The following ANKHD1 variants were observed in gnomAD, a reference collection of about 807,000 sequenced individuals.
The protein encoded by ANKHD1 is ankyrin repeat and KH domain-containing protein 1.
Under a neutral mutation model 230.5 loss-of-function variants are expected in ANKHD1, and 31 were observed. The ratio of observed to expected loss-of-function variants is 0.13; its 90% CI spans 0.10 to 0.18. ANKHD1 has a LOEUF of 0.18. Among genes scored for constraint, ANKHD1 ranks in the 10% least tolerant of loss-of-function variants. ANKHD1 has a pLI of 1.00. For synonymous variants in ANKHD1, 1,074 were observed against 1,117.6 expected (o/e 0.96, Z 0.78); for missense variants, 2,256 against 3,071.3 (o/e 0.73, Z 6.27).
intron 20 of ANKHD1, among the ~76,000 whole-genome samples, chr5:140,508,881 T>G (rs1752647050): frequency 1.3e-5 from 2 of 152,000 alleles, no homozygotes. Flanking sequence ...TGAATTTCTT[T>G]GCTTAGAACT....
At chr5:140,432,729 G>A (rs1193069646) in intron 1 of ANKHD1, among the ~76,000 whole-genome samples, 1 of 151,470 alleles carries the variant, frequency 6.6e-6, no homozygotes, top group Non-Finnish European at 1.5e-5. Context: ...TTTTTTAAGA[G>A]ACAGTGTCTT....
chr5:140,486,147 C>T (rs1751491381), intron 13 of ANKHD1: 1 of 184,608 alleles, frequency 5.4e-6, no homozygotes, highest in Non-Finnish European at 1.1e-5. Context: ...TCACCGCAAC[C>T]TCCGCCTCCC....
At position 140,458,645 on chromosome 5, in the gene ANKHD1, A is replaced by G. The variant is rs376959794; in HGVS notation, c.1263A>G (p.Ala421=). ...EACMDGHVEV[A]RLLLDSGAQV... is the part of the protein sequence containing the mutation. ...TGCAGGATGGACATGTAGAGGTGGC[A>G]CGTTTGCTTTTGGATAGTGGTGCTC... Residue 421 remains alanine, a synonymous_variant, in exon 8 of 34, where the codon GCA becomes GCG. Coordinates refer to ENST00000360839, the MANE Select transcript of ANKHD1 (RefSeq NM_017747.3). 4 of 1,592,744 alleles carry G rather than the reference A, an allele frequency of 2.5e-6. No homozygotes were observed. The African/African-American group carries it at 5.4e-5, about 21-fold the overall frequency.
chr5:140,412,411 G>A (rs1771011670), intron 1 of ANKHD1, among the ~76,000 whole-genome samples: 1 of 152,146 alleles, frequency 6.6e-6, no homozygotes, highest in South Asian at 2.1e-4. Context: ...TCCTGCAGTG[G>A]CCTCCCAGAG....
rs150319479 is a variant in ANKHD1, at chr5:140,477,755, G to A, written c.1783-4825G>A. Among the ~76,000 whole-genome samples, 78 of 152,292 alleles carry A rather than the reference G, an allele frequency of 5.1e-4. No homozygotes were observed. In the East Asian group the frequency reaches 0.014, roughly 27 times the overall value. The stretch of plus-strand genomic sequence containing the variant: ...GCCTCCCAAGTAGCTGGGATTACAG[G>A]CACCTGCCTCCGCGCCTGGGTAATT... On this transcript the variant is annotated intron_variant, in intron 10 of 33. Coordinates refer to ENST00000360839, the MANE Select transcript of ANKHD1 (RefSeq NM_017747.3).
chr5:140,482,952 C>T (rs1751349961), intron 11 of ANKHD1, among the ~76,000 whole-genome samples: 1 of 152,100 alleles, frequency 6.6e-6, no homozygotes, highest in African/African-American at 2.4e-5. Flanking sequence ...GGTGGATATG[C>T]AACAGCTAAT....
At chr5:140,458,967 TATATATATATATGC>T (rs1421790068) in intron 8 of ANKHD1, 105 bp downstream of exon 8, 335 of 25,128 alleles carry the variant, frequency 0.013, 9 homozygotes, top group Non-Finnish European at 0.018. Flanking sequence ...TATATATATA[TATATATATATATGC>T]ATATATATAT....
intron 29 of ANKHD1, among the ~76,000 whole-genome samples, chr5:140,535,075 T>C (rs1294959211): frequency 6.6e-6 from 1 of 152,206 alleles, no homozygotes; most frequent in Non-Finnish European, 1.5e-5. Flanking sequence ...GAGATTCATC[T>C]AGAACATTAC....
At chr5:140,431,413 G>T (rs1773036197) in intron 1 of ANKHD1, among the ~76,000 whole-genome samples, 1 of 152,174 alleles carries the variant, frequency 6.6e-6, no homozygotes, top group South Asian at 2.1e-4. Flanking sequence ...CTTTGAAAAG[G>T]TGGAGAAAAT....
Position 140,496,640 on chromosome 5 carries a change from T to C in ANKHD1, c.2366T>C (p.Leu789Pro). The C allele has an allele frequency of 6.2e-7, 1 of 1,613,824 alleles. No homozygotes were observed. Residue 789 changes from leucine (L) to proline (P), a missense_variant, in exon 15 of 34, where the codon CTG becomes CCG. By Grantham distance (98) the Leu-to-Pro change is moderately conservative. Transcript: ENST00000360839. ...VEETEGKLNE[L>P]GQRISAIEKA... Reference sequence around the variant, plus strand: ...GAGACTGAAGGCAAGCTGAATGAACTGGGACAAAGAATTAGTGCTATTGAA... The same window carrying C: ...GAGACTGAAGGCAAGCTGAATGAACCGGGACAAAGAATTAGTGCTATTGAA...
chr5:140,445,085 C>T (rs915007152), intron 5 of ANKHD1, among the ~76,000 whole-genome samples: 1 of 151,940 alleles, frequency 6.6e-6, no homozygotes. Flanking sequence ...TCTCAAACTC[C>T]CTGGGTTCAA....
chr5:140,534,828 C>T (rs964496457), intron 29 of ANKHD1, among the ~76,000 whole-genome samples: 4 of 152,164 alleles, frequency 2.6e-5, no homozygotes, highest in African/African-American at 4.8e-5. Context: ...TAATAGTTTG[C>T]AACTGTTGAT....
chr5:140,427,325 G>A (rs1395966669), intron 1 of ANKHD1, among the ~76,000 whole-genome samples: 10 of 135,438 alleles, frequency 7.4e-5, no homozygotes, highest in East Asian at 4.8e-4. Context: ...GTGGGGGGCC[G>A]ACCCCCCCAC....
At chr5:140,495,279 T>G (rs996502800) in intron 14 of ANKHD1, among the ~76,000 whole-genome samples, 1 of 148,522 alleles carries the variant, frequency 6.7e-6, no homozygotes, top group East Asian at 2.0e-4. Flanking sequence ...AGATGGAGTC[T>G]CGCTCTCTCA....
intron 10 of ANKHD1, among the ~76,000 whole-genome samples, chr5:140,474,734 C>G: frequency 6.6e-6 from 1 of 151,492 alleles, no homozygotes; most frequent in Non-Finnish European, 1.5e-5. Flanking sequence ...GTAGCTAGGA[C>G]TACAGGTATG....
At chr5:140,438,327 G>C in intron 2 of ANKHD1, 134 bp from the exon 3 acceptor site, 1 of 1,292,376 alleles carries the variant, frequency 7.7e-7, no homozygotes, top group East Asian at 2.6e-5. Context: ...CTTATCTTCT[G>C]TCAACCTAAC....
chr5:140,456,891 A>AAAAGAAACTACCATCAGAGGG (rs1775236654), intron 7 of ANKHD1, among the ~76,000 whole-genome samples: 2 of 152,246 alleles, frequency 1.3e-5, no homozygotes, highest in Non-Finnish European at 2.9e-5. Flanking sequence ...TCTGCACAGC[A>AAAAGAAACTACCATCAGAGGG]AAAGAAACTA....
intron 10 of ANKHD1, among the ~76,000 whole-genome samples, chr5:140,470,953 A>G (rs909619267): frequency 2.0e-5 from 3 of 151,966 alleles, no homozygotes; most frequent in Non-Finnish European, 4.4e-5. Context: ...TGTGGTTTTC[A>G]TGGCTTCACT....
intron 10 of ANKHD1, among the ~76,000 whole-genome samples, chr5:140,476,231 GAGAA>G (rs1020994521): frequency 3.3e-4 from 50 of 151,922 alleles, no homozygotes; most frequent in African/African-American, 1.1e-3. Context: ...AAGAAATTGA[GAGAA>G]AGAGAATAGA....
Sources: gnomAD v4.1 joint callset for allele counts (sites outside exome capture counted in the v4.1 genomes callset) on GRCh38, gnomAD v4.1.1 for gene constraint, MANE v1.5 for transcripts, NCBI Gene and HGNC (gene_info 2026-07-23, HGNC 2026-07-21) for gene names.